LTBP1: variants seen among roughly 807,000 people sequenced by gnomAD.
LTBP1 encodes latent-transforming growth factor beta-binding protein 1.
In LTBP1, 129 loss-of-function variants were observed where a neutral mutation model predicts 207.6. The ratio of observed to expected loss-of-function variants is 0.62; its 90% CI spans 0.54 to 0.72. The LOEUF is 0.72. Ranked by LOEUF, LTBP1 falls within the 30% of genes least tolerant of loss-of-function variation. The pLI, the probability that LTBP1 is intolerant of heterozygous loss-of-function variation, is 0.00. For missense variants in LTBP1, 2,281 were observed against 2,217.2 expected (o/e 1.03, Z -0.58); for synonymous variants, 963 against 833.7 (o/e 1.16, Z -2.67).
chr2:33,001,652 T>G (rs1686073021), intron 2 of LTBP1, among the ~76,000 whole-genome samples: 1 of 134,804 alleles, frequency 7.4e-6, no homozygotes, highest in Admixed American at 7.7e-5. Context: ...TGGACTCTCC[T>G]GCCCAGCTAA....
At chr2:33,230,557 TTATTATG>T (rs1204184929) in intron 9 of LTBP1, among the ~76,000 whole-genome samples, 6 of 152,202 alleles carry the variant, frequency 3.9e-5, no homozygotes, top group Non-Finnish European at 8.8e-5. Context: ...TGTCATTTGA[TTATTATG>T]CTATAAAGGT....
intron 2 of LTBP1, among the ~76,000 whole-genome samples, chr2:32,991,560 G>A (rs912176753): frequency 1.3e-5 from 2 of 152,194 alleles, no homozygotes; most frequent in African/African-American, 4.8e-5. Flanking sequence ...TTATTCTTGC[G>A]GAACTTCACA....
At position 32,947,391 on chromosome 2, in the gene LTBP1, G is replaced by A. The variant is rs1156704606; in HGVS notation, c.67G>A (p.Gly23Ser). The A allele has an allele frequency of 1.4e-6, 2 of 1,397,944 alleles. No individual in the cohort carries two copies. Among genetic ancestry groups the A allele is most frequent in the Non-Finnish European group, 1.9e-6 (2 of 1,076,194 alleles). 86.6% of individuals were successfully genotyped at this position (1,397,944 alleles called of 1,614,324 possible). ...WAGLLASSAH[G>S]RLRRITYVVH... ...AGGGCTCCTCGCGTCCTCGGCGCACGGCCGGCTGCGGAGGATCACCTACGT... is the reference window on the plus strand; with the variant it reads ...AGGGCTCCTCGCGTCCTCGGCGCACAGCCGGCTGCGGAGGATCACCTACGT... Residue 23 changes from glycine (G) to serine (S), a missense_variant, in exon 1 of 34, where the codon GGC becomes AGC. Physicochemically the swap from Gly to Ser is moderately conservative, Grantham distance 56. Transcript: ENST00000404816.
chr2:33,118,204 C>CA (rs548143669), intron 4 of LTBP1, among the ~76,000 whole-genome samples: 4,973 of 130,874 alleles, frequency 0.038, 155 homozygotes, highest in African/African-American at 0.086. Flanking sequence ...AAAAAAAAAA[C>CA]AAAAAAAAAA....
chr2:33,231,006 CTT>C (rs1358273024), intron 9 of LTBP1, among the ~76,000 whole-genome samples: 2 of 152,168 alleles, frequency 1.3e-5, no homozygotes, highest in African/African-American at 4.8e-5. Flanking sequence ...ATCTCGAAGA[CTT>C]TTTAAATGAC....
intron 28 of LTBP1, among the ~76,000 whole-genome samples, chr2:33,362,031 G>C (rs1367883836): frequency 6.6e-6 from 1 of 152,128 alleles, no homozygotes; most frequent in Non-Finnish European, 1.5e-5. Flanking sequence ...GACAACCAAA[G>C]TAGACATGTT....
chr2:33,125,488 C>T (rs1267309664), intron 4 of LTBP1, among the ~76,000 whole-genome samples: 3 of 152,216 alleles, frequency 2.0e-5, no homozygotes, highest in South Asian at 2.1e-4. Flanking sequence ...GGAAGAAGAA[C>T]ATGTTATGTG....
chr2:33,176,974 T>C (rs1054008915), intron 5 of LTBP1, among the ~76,000 whole-genome samples: 4 of 152,220 alleles, frequency 2.6e-5, no homozygotes, highest in Non-Finnish European at 5.9e-5. Context: ...TATGAATTCA[T>C]TCAGGTCACA....
chr2:33,392,498 T>C (rs763721231), intron 32 of LTBP1, among the ~76,000 whole-genome samples: 11 of 152,290 alleles, frequency 7.2e-5, no homozygotes, highest in East Asian at 3.9e-4. Context: ...ATGGTAAAAT[T>C]TGTAGGCTTT....
At chr2:33,115,037 T>TACACACAC (rs60544598) in intron 4 of LTBP1, among the ~76,000 whole-genome samples, 68 of 145,262 alleles carry the variant, frequency 4.7e-4, no homozygotes, top group African/African-American at 1.4e-3. Flanking sequence ...AACAGATATA[T>TACACACAC]ACACACACAC....
chr2:33,239,455 A>G (rs1332111381), intron 9 of LTBP1, among the ~76,000 whole-genome samples: 2 of 152,208 alleles, frequency 1.3e-5, no homozygotes, highest in Non-Finnish European at 2.9e-5. Flanking sequence ...TCTTCAAAGG[A>G]CAGACTTCCA....
At chr2:33,166,263 A>G (rs147459911) in intron 5 of LTBP1, among the ~76,000 whole-genome samples, 46 of 152,304 alleles carry the variant, frequency 3.0e-4, no homozygotes, top group African/African-American at 1.1e-3. Flanking sequence ...AAAACCTCAT[A>G]GGGTTGCCTT....
chr2:33,210,604 C>G (rs1397086042), intron 7 of LTBP1, among the ~76,000 whole-genome samples: 2 of 152,152 alleles, frequency 1.3e-5, no homozygotes, highest in Non-Finnish European at 2.9e-5. Context: ...TCCCCTGTTT[C>G]CTGGTTGATT....
intron 5 of LTBP1, among the ~76,000 whole-genome samples, chr2:33,167,481 A>G (rs2085028905): frequency 6.6e-6 from 1 of 152,190 alleles, no homozygotes. Context: ...TCTTTCTGGA[A>G]CTCATATGCT....
At position 33,263,249 on chromosome 2, in the gene LTBP1, A is replaced by G. The variant is rs772055341; in HGVS notation, c.2519-45A>G. ...ATTTTGAAATGGGATCTCAATGCACATAACGGGCTTTAATTTTCTTTTTAT... is the reference window on the plus strand; with the variant it reads ...ATTTTGAAATGGGATCTCAATGCACGTAACGGGCTTTAATTTTCTTTTTAT... On this transcript the variant is annotated intron_variant, in intron 14 of 33. Transcript: ENST00000404816. The G allele has an allele frequency of 5.7e-5, 66 of 1,157,124 alleles. No homozygotes were observed. In the East Asian group the frequency reaches 1.0e-3, roughly 18 times the overall value. The allele number at this position is 1,157,124 out of a possible 1,614,324, so 71.7% of individuals were successfully genotyped here. A position where few individuals can be genotyped will look rare whatever the true frequency, so the allele number is the denominator to read the frequency against.
rs17012630 is a variant in LTBP1 at position 33,167,563 on chromosome 2, A to G, written c.1202-19293A>G. Among the ~76,000 whole-genome samples, 264 of 152,354 alleles carry G rather than the reference A, an allele frequency of 1.7e-3. 2 individuals are homozygous for G. Among genetic ancestry groups the G allele is most frequent in the African/African-American group, 6.1e-3 (254 of 41,586 alleles). On this transcript the variant is annotated intron_variant, in intron 5 of 33. Coordinates refer to ENST00000404816, the MANE Select transcript of LTBP1 (RefSeq NM_206943.4). Reference sequence around the variant, plus strand: ...CCTGCACACAAGCATTTGTTGCTTTAAGAGCATGTGGCAGGGAGTGGGAGC... The same window carrying G: ...CCTGCACACAAGCATTTGTTGCTTTGAGAGCATGTGGCAGGGAGTGGGAGC...
rs745342264 is a variant in LTBP1, at chr2:33,332,372, C to CAA, written c.3731-10441_3731-10440dup. Among the ~76,000 whole-genome samples the CAA allele has an allele frequency of 4.7e-3, 244 of 52,326 alleles. 1 individual carries two copies. Among genetic ancestry groups the CAA allele is most frequent in the South Asian group, 6.3e-3 (7 of 1,104 alleles). 34.3% of individuals were successfully genotyped at this position (52,326 alleles called of 152,430 possible). ...GGTTGATGTAGTGAGACACCATCTC[C>CAA]AAAAAAAAAAAAAAAAAAAAAAAAA... On this transcript the variant is annotated intron_variant, in intron 24 of 33. Transcript: ENST00000404816.
At chr2:32,972,631 C>G (rs1420449596) in intron 2 of LTBP1, among the ~76,000 whole-genome samples, 3 of 152,094 alleles carry the variant, frequency 2.0e-5, no homozygotes, top group African/African-American at 7.2e-5. Context: ...ATTGTAATCC[C>G]CACATGTAGA....
intron 3 of LTBP1, among the ~76,000 whole-genome samples, chr2:33,084,876 G>C (rs1275115189): frequency 6.6e-6 from 1 of 152,184 alleles, no homozygotes; most frequent in Non-Finnish European, 1.5e-5. Context: ...ACAGCTGGAT[G>C]TTTTTGGTTT....
Sources: gnomAD v4.1 joint callset for allele counts (sites outside exome capture counted in the v4.1 genomes callset) on GRCh38, gnomAD v4.1.1 for gene constraint, MANE v1.5 for transcripts, NCBI Gene and HGNC (gene_info 2026-07-23, HGNC 2026-07-21) for gene names.